The following SHROOM4 variants were observed in gnomAD, a reference collection of about 807,000 sequenced individuals.
The protein encoded by SHROOM4 is protein Shroom4.
A neutral mutation model predicts 80.3 loss-of-function variants in SHROOM4; 17 were observed. The ratio of observed to expected loss-of-function variants is 0.21; its 90% CI spans 0.14 to 0.32. SHROOM4 has a LOEUF of 0.32. SHROOM4 is among the 10% of genes least tolerant of loss of function. The probability of loss-of-function intolerance (pLI) is 1.00; values close to 1 mark genes in which losing one functional copy is unlikely to be tolerated. For missense variants in SHROOM4, 993 were observed against 1,140.3 expected, an observed-to-expected ratio of 0.87 and a Z score of 1.86; for synonymous variants, 400 against 437.5, an observed-to-expected ratio of 0.91 and a Z score of 1.07.
chrX:50,764,700 G>T (rs1935234890), intron 1 of SHROOM4, among the ~76,000 whole-genome samples: 1 of 111,698 alleles, frequency 9.0e-6, no homozygotes, highest in Non-Finnish European at 1.9e-5. Context: ...GCTTCAATGG[G>T]GAGAGAATAT....
chrX:50,707,737 CCTT>C (rs1933714851), intron 1 of SHROOM4, among the ~76,000 whole-genome samples: 1 of 106,748 alleles, frequency 9.4e-6, no homozygotes, highest in Non-Finnish European at 1.9e-5. Flanking sequence ...TCTTTTTCTT[CCTT>C]CTTCTTTATG....
intron 1 of SHROOM4, among the ~76,000 whole-genome samples, chrX:50,716,130 C>A (rs1347705882): frequency 9.9e-6 from 1 of 101,092 alleles, no homozygotes; most frequent in Non-Finnish European, 2.0e-5. Flanking sequence ...CCTGATTTCA[C>A]TCATGTGAGA....
intron 8 of SHROOM4, among the ~76,000 whole-genome samples, chrX:50,597,848 A>T (rs781866161): frequency 4.0e-4 from 44 of 109,685 alleles, no homozygotes; most frequent in African/African-American, 1.0e-3. Context: ...TATTATTATT[A>T]TTTTTTTTGA....
intron 1 of SHROOM4, among the ~76,000 whole-genome samples, chrX:50,723,393 G>GGAGAGAGAGAGA (rs782457909): frequency 3.7e-5 from 2 of 54,477 alleles, no homozygotes; most frequent in Admixed American, 2.9e-4. Context: ...AGCAAGGGAG[G>GGAGAGAGAGAGA]GAGAGAGAGA....
chrX:50,616,005 G>C (rs1930219305), intron 5 of SHROOM4, among the ~76,000 whole-genome samples: 1 of 112,186 alleles, frequency 8.9e-6, no homozygotes, highest in Admixed American at 9.4e-5. Context: ...GAGCTTTGCT[G>C]CTTTGATCAA....
chrX:50,793,582 T>C (rs1489134649), intron 1 of SHROOM4, among the ~76,000 whole-genome samples: 1 of 104,038 alleles, frequency 9.6e-6, no homozygotes, highest in African/African-American at 3.5e-5. Flanking sequence ...TTTTATCTAG[T>C]AGGCACAACC....
intron 5 of SHROOM4, among the ~76,000 whole-genome samples, chrX:50,622,895 T>G (rs1557252252): frequency 8.9e-6 from 1 of 112,508 alleles, no homozygotes; most frequent in Non-Finnish European, 1.9e-5. Flanking sequence ...AGATTCTGAC[T>G]GAAGTTTCAT....
intron 2 of SHROOM4, among the ~76,000 whole-genome samples, chrX:50,688,793 G>C (rs914837107): frequency 2.7e-5 from 3 of 110,227 alleles, no homozygotes; most frequent in Non-Finnish European, 3.8e-5. Context: ...GAAGGACTCA[G>C]GAGTTTTTTT....
rs782163941 is a variant in SHROOM4 at position 50,784,131 on chromosome X, T to C, written c.117+29771A>G. On this transcript the variant is annotated intron_variant, in intron 1 of 8. Transcript: ENST00000376020. ...AAGCAATTAAGTAGAAAAAGGATAATCTTTGTGTTTTGTTTTGTTTAGAGA... is the reference window on the plus strand; with the variant it reads ...AAGCAATTAAGTAGAAAAAGGATAACCTTTGTGTTTTGTTTTGTTTAGAGA... Among the ~76,000 whole-genome samples the C allele has an allele frequency of 1.5e-4, 17 of 111,412 alleles. No homozygotes were observed. The East Asian group carries it at 3.7e-3, about 24-fold the overall frequency.
chrX:50,629,141 C>CT (rs1379915874), intron 4 of SHROOM4, among the ~76,000 whole-genome samples: 1 of 110,971 alleles, frequency 9.0e-6, no homozygotes, highest in Non-Finnish European at 1.9e-5. Flanking sequence ...TATCACTCTA[C>CT]TTTTTTTTTC....
At chrX:50,712,057 T>C (rs987654411) in intron 1 of SHROOM4, among the ~76,000 whole-genome samples, 28 of 112,390 alleles carry the variant, frequency 2.5e-4, no homozygotes, top group African/African-American at 9.0e-4. Context: ...TACACTTCAA[T>C]TGCTGACCAC....
At chrX:50,712,154 T>C (rs1933835092) in intron 1 of SHROOM4, among the ~76,000 whole-genome samples, 1 of 112,298 alleles carries the variant, frequency 8.9e-6, no homozygotes, top group South Asian at 3.7e-4. Context: ...ATCTCAACTA[T>C]GGAAATTCTT....
rs1352717459 is a variant in SHROOM4, at chrX:50,751,598, T to C, written c.118-55661A>G. On this transcript the variant is annotated intron_variant, in intron 1 of 8. Transcript: ENST00000376020. ...ACAGCTCCTTGTCTACATTTCTTAC[T>C]ATCCATCATGACACTGACCAACACC... 2.7e-5 allele frequency among the ~76,000 whole-genome samples: 3 copies of C among 111,923 alleles called. No individual in the cohort carries two copies. The Admixed American group carries it at 2.8e-4, about 11-fold the overall frequency.
intron 1 of SHROOM4, among the ~76,000 whole-genome samples, chrX:50,722,991 A>G (rs1261642474): frequency 9.2e-6 from 1 of 109,003 alleles, no homozygotes; most frequent in African/African-American, 3.3e-5. Flanking sequence ...ATTGTTTAGT[A>G]TATTTAAAGA....
rs151032498 is a variant in SHROOM4 at position 50,647,352 on chromosome X, C to G, written c.270-9044G>C. ...AATGAAAGAGTTTTTTTCCCTCTCC[C>G]TTCTATGTACAGAAGTTAAGGGTGC... is the stretch of plus-strand genomic sequence containing the variant. On this transcript the variant is annotated intron_variant, in intron 2 of 8. Coordinates refer to ENST00000376020, the MANE Select transcript of SHROOM4 (RefSeq NM_020717.5). Among the ~76,000 whole-genome samples the G allele has an allele frequency of 6.5e-4, 72 of 111,333 alleles. No individual in the cohort carries two copies. The East Asian group carries it at 0.018, about 28-fold the overall frequency.
chrX:50,698,645 C>T (rs1343392003), intron 1 of SHROOM4, among the ~76,000 whole-genome samples: 2 of 111,365 alleles, frequency 1.8e-5, no homozygotes, highest in Non-Finnish European at 3.8e-5. Context: ...ACTGGTCTTT[C>T]TCCTCCCCAC....
intron 1 of SHROOM4, among the ~76,000 whole-genome samples, chrX:50,753,210 G>A (rs782450943): frequency 8.9e-6 from 1 of 111,953 alleles, no homozygotes; most frequent in Non-Finnish European, 1.9e-5. Flanking sequence ...ACACTCTGCA[G>A]AGATATGTAA....
chrX:50,752,297 G>A (rs1226415065), intron 1 of SHROOM4, among the ~76,000 whole-genome samples: 2 of 111,993 alleles, frequency 1.8e-5, no homozygotes, highest in African/African-American at 6.5e-5. Context: ...TTAATCTTAA[G>A]GAATGTGCCT....
At chrX:50,651,335 A>G (rs1376446430) in intron 2 of SHROOM4, among the ~76,000 whole-genome samples, 4 of 112,135 alleles carry the variant, frequency 3.6e-5, no homozygotes, top group Admixed American at 9.5e-5. Context: ...CATTCTCATA[A>G]CCTTACTAAG....
Sources: allele counts gnomAD v4.1 joint callset (sites outside exome capture counted in the v4.1 genomes callset), GRCh38; gene constraint gnomAD v4.1.1; transcripts MANE v1.5; gene names NCBI Gene and HGNC (gene_info 2026-07-23, HGNC 2026-07-21).